Variants in TBC1D2B observed in about 807,000 individuals in gnomAD.
TBC1D2B encodes TBC1 domain family, member 2B.
Under a neutral mutation model 100.8 loss-of-function variants are expected in TBC1D2B, and 64 were observed. That is an observed-to-expected ratio of 0.64 (90% confidence interval 0.52 to 0.78). The LOEUF (loss-of-function observed/expected upper bound fraction) is 0.78. TBC1D2B is among the 30% of genes least tolerant of loss of function. TBC1D2B has a pLI of 0.00. For synonymous variants in TBC1D2B, 480 were observed against 479.7 expected (o/e 1.00, Z -0.01); for missense variants, 1,052 against 1,218.4 (o/e 0.86, Z 2.03).
chr15:78,036,400 T>C (rs2072946978), intron 3 of TBC1D2B, among the ~76,000 whole-genome samples: 1 of 152,150 alleles, frequency 6.6e-6, no homozygotes, highest in South Asian at 2.1e-4. Context: ...GTAATAATCA[T>C]TGTGACGGTA....
chr15:78,024,591 GGAA>G, intron 5 of TBC1D2B, 52 bp from the exon 6 acceptor site: 1 of 1,500,658 alleles, frequency 6.7e-7, no homozygotes, highest in African/African-American at 1.4e-5. Flanking sequence ...AAGGAGAGGA[GGAA>G]AAGCAGAAAT....
rs755944359 is a variant in TBC1D2B at position 78,003,539 on chromosome 15, G to C, written c.2389-49C>G. The C allele has an allele frequency of 2.0e-6, 3 of 1,497,478 alleles. No individual in the cohort carries two copies. The East Asian group carries it at 6.9e-5, about 34-fold the overall frequency. 92.8% of individuals were successfully genotyped at this position (1,497,478 alleles called of 1,614,324 possible). ...AGTGTATCAGGCCTGCCAGGTCACC[G>C]GGTAAGCAGACGAGCAGACGCGCAA... On this transcript the variant is annotated intron_variant, in intron 10 of 12. Transcript: ENST00000300584.
rs369704674 is a variant in TBC1D2B at position 78,024,237 on chromosome 15, G to A, written c.1389C>T (p.Asn463=). Residue 463 remains asparagine, a synonymous_variant, in exon 6 of 13, where the codon AAC becomes AAT. Coordinates refer to ENST00000300584, the MANE Select transcript of TBC1D2B (RefSeq NM_144572.2). ...VIIKLSEGEG[N]GPPPTVAPSS... ...TGGGCGCCACGGTGGGAGGAGGCCC[G>A]TTGCCCTCGCCCTCGCTGAGCTTGA... 6.6e-5 allele frequency: 106 copies of A among 1,613,772 alleles called. No homozygotes were observed. Among genetic ancestry groups the A allele is most frequent in the Non-Finnish European group, 8.3e-5 (98 of 1,179,896 alleles).
chr15:78,058,757 C>T (rs1228133539), intron 1 of TBC1D2B, among the ~76,000 whole-genome samples: 1 of 152,188 alleles, frequency 6.6e-6, no homozygotes, highest in East Asian at 1.9e-4. Flanking sequence ...GCTGTGGTCC[C>T]AAGTTCTGGA....
At chr15:78,021,333 T>C (rs982602978) in intron 6 of TBC1D2B, among the ~76,000 whole-genome samples, 1 of 151,950 alleles carries the variant, frequency 6.6e-6, no homozygotes, top group Non-Finnish European at 1.5e-5. Context: ...ATCTTAAATA[T>C]ATATATTTTT....
chr15:78,072,770 T>C (rs923880768), intron 1 of TBC1D2B, among the ~76,000 whole-genome samples: 1 of 152,224 alleles, frequency 6.6e-6, no homozygotes, highest in African/African-American at 2.4e-5. Context: ...GTCAGTCACA[T>C]GCTCTCCTTC....
In TBC1D2B at chr15:78,025,503, T is replaced by A; in HGVS notation, c.848-6A>T. On this transcript the variant is annotated splice_polypyrimidine_tract_variant and splice_region_variant and intron_variant, in intron 4 of 12. Coordinates refer to ENST00000300584, the MANE Select transcript of TBC1D2B (RefSeq NM_144572.2). Reference sequence around the variant, plus strand: ...GAATCCTGAGCCAGTTACTCCTACATAAAAATAAAACTTGTATTTTATTAT... The same window carrying A: ...GAATCCTGAGCCAGTTACTCCTACAAAAAAATAAAACTTGTATTTTATTAT... 7 of 1,567,694 alleles carry A rather than the reference T, an allele frequency of 4.5e-6. No homozygotes were observed. Among genetic ancestry groups the A allele is most frequent in the Non-Finnish European group, 6.1e-6 (7 of 1,155,848 alleles).
At chr15:78,045,246 T>G (rs182983639) in intron 2 of TBC1D2B, among the ~76,000 whole-genome samples, 178 bp from the exon 3 acceptor site, 127 of 152,360 alleles carry the variant, frequency 8.3e-4, no homozygotes, top group Non-Finnish European at 2.1e-4. Context: ...TGAAACCATC[T>G]TCATCTAAAC....
rs1225372578 is a variant in TBC1D2B at position 78,019,901 on chromosome 15, A to AGG, written c.1471-1946_1471-1945dup. The stretch of plus-strand genomic sequence containing the variant: ...GAGACTCTGTATCAAAAAAAAAAAA[A>AGG]GGGGGGGGGAGACAGGGTCTCACTC... On this transcript the variant is annotated intron_variant, in intron 6 of 12. Coordinates refer to ENST00000300584, the MANE Select transcript of TBC1D2B (RefSeq NM_144572.2). 5.4e-3 allele frequency among the ~76,000 whole-genome samples: 738 copies of AGG among 137,092 alleles called. 15 individuals carry two copies. Among genetic ancestry groups the AGG allele is most frequent in the African/African-American group, 0.018 (703 of 39,060 alleles). 89.9% of individuals were successfully genotyped at this position (137,092 alleles called of 152,430 possible).
intron 1 of TBC1D2B, among the ~76,000 whole-genome samples, chr15:78,057,599 C>T (rs529189719): frequency 2.6e-5 from 4 of 152,116 alleles, no homozygotes; most frequent in South Asian, 4.1e-4. Context: ...TGAGCCGACA[C>T]GGTGCCACTG....
chr15:78,015,272 G>A (rs1219664138), intron 8 of TBC1D2B, among the ~76,000 whole-genome samples: 5 of 152,120 alleles, frequency 3.3e-5, no homozygotes, highest in East Asian at 1.9e-4. Flanking sequence ...TGTGGGGAGT[G>A]AGGAGGTAAA....
intron 6 of TBC1D2B, among the ~76,000 whole-genome samples, chr15:78,019,149 G>A (rs896350722): frequency 2.0e-5 from 3 of 152,002 alleles, no homozygotes; most frequent in Admixed American, 6.6e-5. Flanking sequence ...AAACCACCAC[G>A]GGATTATACC....
Position 78,030,128 on chromosome 15 carries a change from A to G in TBC1D2B, c.726T>C (p.Asp242=), listed in dbSNP as rs1298579845. Reference sequence around the variant, plus strand: ...TGGTATAAAACACAGTCCTCCGACTATCATTATGTCCTCTCCCAGGACGGA... The same window carrying G: ...TGGTATAAAACACAGTCCTCCGACTGTCATTATGTCCTCTCCCAGGACGGA... The part of the protein sequence containing the change: ...SSFRPGRGHN[D]SRRTVFYTNE... The change falls in exon 4 of 13, where the codon GAT becomes GAC. Residue 242 remains aspartate, a synonymous_variant. Transcript: ENST00000300584. 1.2e-6 allele frequency: 2 copies of G among 1,613,798 alleles called. No individual in the cohort carries two copies. The highest frequency in any genetic ancestry group is 2.2e-5 in the South Asian group (2 of 91,062).
intron 3 of TBC1D2B, among the ~76,000 whole-genome samples, chr15:78,040,777 GAA>G (rs1346355968): frequency 6.9e-6 from 1 of 144,094 alleles, no homozygotes; most frequent in Non-Finnish European, 1.5e-5. Context: ...AAGAGAGAAA[GAA>G]AGAAAGAAGG....
chr15:78,057,999 T>C (rs2073461573), intron 1 of TBC1D2B, among the ~76,000 whole-genome samples: 1 of 152,330 alleles, frequency 6.6e-6, no homozygotes, highest in South Asian at 2.1e-4. Context: ...AGGAAATTGG[T>C]TCAGATCTGC....
At position 78,064,956 on chromosome 15, in the gene TBC1D2B, A is replaced by G. The variant is rs1329046633; in HGVS notation, c.361-10769T>C. ...AATTGCTATCTTAAAATTAGCATTC[A>G]TATGTCTTACAAAATAATTGTATCT... On this transcript the variant is annotated intron_variant, in intron 1 of 12. Transcript: ENST00000300584. Among the ~76,000 whole-genome samples, 7 of 152,196 alleles carry G rather than the reference A, an allele frequency of 4.6e-5. No individual in the cohort carries two copies. The South Asian group carries it at 1.0e-3, about 22-fold the overall frequency.
intron 4 of TBC1D2B, among the ~76,000 whole-genome samples, chr15:78,028,943 T>C (rs1377739537): frequency 1.3e-5 from 2 of 152,230 alleles, no homozygotes; most frequent in Non-Finnish European, 2.9e-5. Flanking sequence ...TGGGTCTTGT[T>C]TGAATCCTCA....
intron 10 of TBC1D2B, among the ~76,000 whole-genome samples, chr15:78,004,242 C>T (rs1193265945): frequency 6.6e-6 from 1 of 152,196 alleles, no homozygotes; most frequent in Non-Finnish European, 1.5e-5. Context: ...CAACCCTGAC[C>T]TCAAGGAGTT....
Position 78,024,139 on chromosome 15 carries a change from C to A in TBC1D2B, c.1470+17G>T, listed in dbSNP as rs779957931. On this transcript the variant is annotated intron_variant, in intron 6 of 12. Coordinates refer to ENST00000300584, the MANE Select transcript of TBC1D2B (RefSeq NM_144572.2). ...GGTCTCTCATGCCAATCACCAGAGC[C>A]CCTGCCCCACTCTTACTTTCAGCCT... is the stretch of plus-strand genomic sequence containing the variant. 2.6e-5 allele frequency: 42 copies of A among 1,596,370 alleles called. No homozygotes were observed. In the Middle Eastern group the frequency reaches 2.2e-3, roughly 83 times the overall value.
Sources: gnomAD v4.1 joint callset for allele counts (sites outside exome capture counted in the v4.1 genomes callset) on GRCh38, gnomAD v4.1.1 for gene constraint, MANE v1.5 for transcripts, NCBI Gene and HGNC (gene_info 2026-07-23, HGNC 2026-07-21) for gene names.